The following LYST variants were observed in gnomAD, a reference collection of about 807,000 sequenced individuals.
LYST encodes the protein lysosomal trafficking regulator.
In LYST, 192 loss-of-function variants were observed where a neutral mutation model predicts 413.6. That is an observed-to-expected ratio of 0.46 (90% CI 0.41 to 0.52). The LOEUF (loss-of-function observed/expected upper bound fraction) is 0.52. LYST is among the 20% of genes least tolerant of loss of function. The pLI is 0.00. For synonymous variants in LYST, 1,525 were observed against 1,567.3 expected (o/e 0.97, Z 0.64); for missense variants, 3,815 against 4,499.9 (o/e 0.85, Z 4.35).
rs768812719 is a variant in LYST, at chr1:235,762,734, G to T, written c.6239C>A (p.Ala2080Asp). Residue 2080 changes from alanine (A) to aspartate (D), a missense_variant, in exon 22 of 53, where the codon GCT becomes GAT. By Grantham distance (126) the Ala-to-Asp change is moderately radical. Coordinates refer to ENST00000389793, the MANE Select transcript of LYST (RefSeq NM_000081.4). ...FMVISPSGFT[A>D]SPYEGENSSN... Reference sequence around the variant, plus strand: ...GCTATTTTTACCTTCATATGGTGAAGCAGTAAAACCAGATGGGCTTATTAC... The same window carrying T: ...GCTATTTTTACCTTCATATGGTGAATCAGTAAAACCAGATGGGCTTATTAC... 6.2e-7 allele frequency: 1 copy of T among 1,613,278 alleles called. No homozygotes were observed. The highest frequency in any genetic ancestry group is 8.5e-7 in the Non-Finnish European group (1 of 1,179,424).
At chr1:235,845,452 T>C (rs1029566576) in intron 1 of LYST, among the ~76,000 whole-genome samples, 3 of 152,164 alleles carry the variant, frequency 2.0e-5, no homozygotes, top group African/African-American at 7.2e-5. Context: ...CTAGCCTAAC[T>C]TTCTAACAAT....
upstream of LYST, among the ~76,000 whole-genome samples, chr1:235,868,381 C>T (rs533657050): frequency 1.2e-4 from 19 of 152,246 alleles, 1 homozygote; most frequent in Middle Eastern, 6.8e-3. Flanking sequence ...AAAGAGGAAG[C>T]CAAACTTAAC....
intron 3 of LYST, chr1:235,828,252 T>G: frequency 1.5e-6 from 1 of 659,118 alleles, no homozygotes; most frequent in Non-Finnish European, 1.9e-6. Flanking sequence ...AGATTAGTGT[T>G]TGCTTAGGGG....
chr1:235,695,038 CA>C (rs1660972906), intron 46 of LYST, among the ~76,000 whole-genome samples: 2 of 152,306 alleles, frequency 1.3e-5, no homozygotes, highest in East Asian at 3.9e-4. Flanking sequence ...ATTGTTCAGT[CA>C]ATGCCTCTCT....
intron 47 of LYST, among the ~76,000 whole-genome samples, chr1:235,689,808 T>A (rs749715458): frequency 2.6e-5 from 4 of 152,170 alleles, no homozygotes; most frequent in African/African-American, 7.2e-5. Flanking sequence ...TTTATCCCAA[T>A]AAAGCTAGAA....
intron 3 of LYST, among the ~76,000 whole-genome samples, chr1:235,826,389 G>A (rs1005884569): frequency 2.6e-5 from 4 of 152,148 alleles, no homozygotes; most frequent in African/African-American, 9.7e-5. Context: ...TTAAACAGCA[G>A]GTGAATGGTT....
rs753664265 is a variant in LYST, at chr1:235,752,129, C to T, written c.7503G>A (p.Gln2501=). ...GAATTGTAACTGCTATGAAAAGTTGCTGTATATCACAAGCAAGCAATTTAT... is the reference window on the plus strand; with the variant it reads ...GAATTGTAACTGCTATGAAAAGTTGTTGTATATCACAAGCAAGCAATTTAT... ...SEYKLLACDI[Q]QLFIAVTIHA... The change falls in exon 27 of 53, where the codon CAG becomes CAA. Residue 2501 remains glutamine, a synonymous_variant. Transcript: ENST00000389793. 2 of 1,612,004 alleles carry T rather than the reference C, an allele frequency of 1.2e-6. No homozygotes were observed. The highest frequency in any genetic ancestry group is 1.3e-5 in the African/African-American group (1 of 74,962).
Position 235,759,365 on chromosome 1 carries a change from G to C in LYST, c.6488C>G (p.Ala2163Gly), listed in dbSNP as rs1426625591. The C allele has an allele frequency of 1.9e-6, 3 of 1,614,170 alleles. No homozygotes were observed. Among genetic ancestry groups the C allele is most frequent in the South Asian group, 1.1e-5 (1 of 91,082 alleles). The change falls in exon 23 of 53, where the codon GCA becomes GGA. Residue 2163 changes from alanine to glycine, a missense_variant. Physicochemically the swap from Ala to Gly is moderately conservative, Grantham distance 60 (BLOSUM62 0). Around this residue, in one of 4 missense-constraint regions of LYST, gnomAD observed 771 missense variants for 837.1 expected, o/e 0.92. Coordinates refer to ENST00000389793, the MANE Select transcript of LYST (RefSeq NM_000081.4). Reference protein sequence around the residue: ...SDTLKKGKEDAFISSCESAKT... With the variant: ...SDTLKKGKEDGFISSCESAKT... ...TGCAGACTCACAGCTACTGATGAATGCGTCCTCTTTGCCTTTTTTCAGTGT... is the reference window on the plus strand; with the variant it reads ...TGCAGACTCACAGCTACTGATGAATCCGTCCTCTTTGCCTTTTTTCAGTGT...
intron 16 of LYST, among the ~76,000 whole-genome samples, chr1:235,778,818 A>G (rs1409461550): frequency 6.6e-6 from 1 of 151,920 alleles, no homozygotes; most frequent in Non-Finnish European, 1.5e-5. Flanking sequence ...AGTAGTTTCA[A>G]TCAGAAATCT....
chr1:235,667,807 C>T (rs998356858), intron 50 of LYST, among the ~76,000 whole-genome samples: 10 of 151,988 alleles, frequency 6.6e-5, no homozygotes, highest in African/African-American at 1.4e-4. Context: ...GGACTACAGG[C>T]GAGTGCCACC....
chr1:235,769,065 G>C (rs1044043475), intron 20 of LYST, among the ~76,000 whole-genome samples: 6 of 152,036 alleles, frequency 3.9e-5, no homozygotes, highest in African/African-American at 1.4e-4. Flanking sequence ...GAGGCTTACA[G>C]AGGGAAATAA....
At chr1:235,729,322 T>C (rs1664162118) in intron 37 of LYST, among the ~76,000 whole-genome samples, 1 of 152,120 alleles carries the variant, frequency 6.6e-6, no homozygotes, top group Non-Finnish European at 1.5e-5. Context: ...TGGCATATAA[T>C]AAAAGAAATG....
chr1:235,778,871 TC>T (rs1669578177), intron 16 of LYST, among the ~76,000 whole-genome samples: 2 of 151,884 alleles, frequency 1.3e-5, no homozygotes, highest in East Asian at 3.9e-4. Flanking sequence ...TTGTCTTTTT[TC>T]TTTTTTTTTT....
intron 1 of LYST, among the ~76,000 whole-genome samples, chr1:235,879,711 A>T (rs905208127): frequency 2.6e-5 from 4 of 151,470 alleles, no homozygotes; most frequent in Admixed American, 6.6e-5. Context: ...GAAAGCTCTG[A>T]GAATGGATCT....
intron 19 of LYST, 112 bp from the exon 20 acceptor site, chr1:235,770,409 C>T: frequency 1.0e-6 from 1 of 964,952 alleles, no homozygotes; most frequent in Non-Finnish European, 1.7e-6. Flanking sequence ...TATTCAGTAT[C>T]AAAGATTACA....
chr1:235,817,836 C>A (rs1211410276), intron 3 of LYST, among the ~76,000 whole-genome samples: 1 of 151,874 alleles, frequency 6.6e-6, no homozygotes, highest in Non-Finnish European at 1.5e-5. Context: ...ATATAACAAA[C>A]CTGCAAATGC....
In LYST at chr1:235,830,354, C is replaced by T; in HGVS notation, c.64G>A (p.Ala22Thr). ...CTGGCCTCCACCCTCTGGACCACTGCATTGCAAAGCCGGTTGACATCGGTC... is the reference window on the plus strand; with the variant it reads ...CTGGCCTCCACCCTCTGGACCACTGTATTGCAAAGCCGGTTGACATCGGTC... The part of the protein sequence containing the change: ...FLTDVNRLCN[A>T]VVQRVEAREE... The change falls in exon 3 of 53, where the codon GCA (alanine) becomes ACA (threonine). Residue 22 changes from alanine (A) to threonine (T), a missense_variant. Ala to Thr is a moderately conservative substitution (Grantham distance 58). Around this residue, in one of 4 missense-constraint regions of LYST, gnomAD observed 1,648 missense variants for 1,810.3 expected, o/e 0.91. Transcript: ENST00000389793. The T allele has an allele frequency of 6.2e-7, 1 of 1,613,772 alleles. No homozygotes were observed. Among genetic ancestry groups the T allele is most frequent in the Middle Eastern group, 1.7e-4 (1 of 6,060 alleles).
chr1:235,808,404 T>G lies in LYST; in HGVS notation c.2363+51A>C. ...TTGAAAGCATCCAATGAAAAAGATC[T>G]AGACATGCTCAACAACCCCCGCCCC... On this transcript the variant is annotated intron_variant, in intron 5 of 52. Transcript: ENST00000389793. The G allele has an allele frequency of 1.9e-6, 3 of 1,565,278 alleles. No homozygotes were observed. In the Middle Eastern group the frequency reaches 5.1e-4, roughly 269 times the overall value.
At chr1:235,752,963 T>C in intron 26 of LYST, 81 bp downstream of exon 26, 1 of 758,180 alleles carries the variant, frequency 1.3e-6, no homozygotes, top group Non-Finnish European at 2.3e-6. Flanking sequence ...TAAACTCATG[T>C]AGTAAAGTAA....
Sources: allele counts gnomAD v4.1 joint callset (sites outside exome capture counted in the v4.1 genomes callset), GRCh38; gene constraint gnomAD v4.1.1; regional missense constraint gnomAD v4.1.1; transcripts MANE v1.5; gene names NCBI Gene and HGNC (gene_info 2026-07-23, HGNC 2026-07-21).